PRKCQ: variants seen among roughly 807,000 people sequenced by gnomAD.
The protein encoded by PRKCQ is protein kinase C theta type.
PRKCQ carries 41 observed loss-of-function variants against 91.2 expected under a neutral mutation model. The ratio of observed to expected loss-of-function variants is 0.45; its 90% CI spans 0.35 to 0.58. The LOEUF (loss-of-function observed/expected upper bound fraction) is 0.58. PRKCQ is among the 20% of genes least tolerant of loss of function. PRKCQ has a pLI of 0.00. For synonymous variants in PRKCQ, 307 were observed against 316.9 expected, an observed-to-expected ratio of 0.97 and a Z score of 0.33; for missense variants, 673 against 896.5, an observed-to-expected ratio of 0.75 and a Z score of 3.18.
In PRKCQ at chr10:6,428,237, C is replaced by T. The variant is rs746598943; in HGVS notation, c.2091G>A (p.Met697Ile). 6.2e-7 allele frequency: 1 copy of T among 1,614,162 alleles called. No homozygotes were observed. The highest frequency in any genetic ancestry group is 2.2e-5 in the East Asian group (1 of 44,888). ...ATATCAGCCGCTCCATCCCGGGGTT[C>T]ATGAAGGAAAAGTTCCTGAACATAT... The part of the protein sequence containing the change: ...DQNMFRNFSF[M>I]NPGMERLIS Residue 697 changes from methionine (M) to isoleucine (I), a missense_variant, in exon 18 of 18, where the codon ATG becomes ATA. Physicochemically the swap from Met to Ile is conservative, Grantham distance 10. Transcript: ENST00000263125.
chr10:6,532,515 C>T (rs1415461363), intron 1 of PRKCQ, among the ~76,000 whole-genome samples: 1 of 151,802 alleles, frequency 6.6e-6, no homozygotes, highest in East Asian at 1.9e-4. Flanking sequence ...ACAGTCATCC[C>T]ACCCCGAATG....
intron 4 of PRKCQ, among the ~76,000 whole-genome samples, chr10:6,504,933 T>G (rs189499693): frequency 0.048 from 7,229 of 151,434 alleles, 218 homozygotes; most frequent in African/African-American, 0.083. Context: ...TCACTCTGTC[T>G]CCCAGGCTGG....
intron 15 of PRKCQ, among the ~76,000 whole-genome samples, chr10:6,455,983 T>C (rs1202733742): frequency 6.6e-6 from 1 of 152,068 alleles, no homozygotes; most frequent in African/African-American, 2.4e-5. Context: ...TGCTGTGCCA[T>C]GGGAAAGACC....
chr10:6,504,167 G>A (rs1317747943), intron 4 of PRKCQ, among the ~76,000 whole-genome samples: 1 of 152,186 alleles, frequency 6.6e-6, no homozygotes, highest in Non-Finnish European at 1.5e-5. Context: ...AAATCTCTCT[G>A]CAACAGTATT....
intron 4 of PRKCQ, among the ~76,000 whole-genome samples, chr10:6,505,425 CT>C (rs75640258): frequency 0.23 from 34,641 of 151,176 alleles, 4,954 homozygotes; most frequent in African/African-American, 0.4. Context: ...TCTTTCCTTC[CT>C]TCCTTTCTTC....
chr10:6,532,781 C>T (rs1839438072), intron 1 of PRKCQ, among the ~76,000 whole-genome samples: 1 of 152,144 alleles, frequency 6.6e-6, no homozygotes, highest in Non-Finnish European at 1.5e-5. Flanking sequence ...TTACAAATAG[C>T]TTTTCAAAGA....
Position 6,548,575 on chromosome 10 carries a change from C to G in PRKCQ, c.-10+31636G>C, listed in dbSNP as rs1189027222. ...GCCATAAAAAATGATGAGTTCATGT[C>G]CTTTGTAGGGACATGGATGAAATTG... On this transcript the variant is annotated intron_variant, in intron 1 of 17. Transcript: ENST00000263125. Among the ~76,000 whole-genome samples, 28 of 147,538 alleles carry G rather than the reference C, an allele frequency of 1.9e-4. 1 individual carries two copies. In the South Asian group the frequency reaches 6.0e-3, roughly 32 times the overall value.
rs189270171 is a variant in PRKCQ, at chr10:6,496,760, C to T, written c.660+275G>A. Among the ~76,000 whole-genome samples, 295 of 152,026 alleles carry T rather than the reference C, an allele frequency of 1.9e-3. 2 individuals are homozygous for T. Among genetic ancestry groups the T allele is most frequent in the Non-Finnish European group, 2.6e-3 (176 of 67,984 alleles). On this transcript the variant is annotated intron_variant, in intron 7 of 17. Transcript: ENST00000263125. ...CATGGTCCTGGTTCACTGCAACCTC[C>T]GCCTCCCGAATTCAAGAGATTCTCC...
At position 6,456,670 on chromosome 10, in the gene PRKCQ, C is replaced by T; in HGVS notation, c.1647+4G>A. On this transcript the variant is annotated splice_donor_region_variant and intron_variant, in intron 15 of 17. Transcript: ENST00000263125. ...GTGGGAGCAGCCTGTCACTGCATTC[C>T]TACCTCTGGGGCGATGTAGTCAGGT... is the stretch of plus-strand genomic sequence containing the variant. 6.2e-7 allele frequency: 1 copy of T among 1,613,952 alleles called. No individual in the cohort carries two copies. Among genetic ancestry groups the T allele is most frequent in the Non-Finnish European group, 8.5e-7 (1 of 1,179,892 alleles).
At chr10:6,395,975 A>T in the PRKCQ span, among the ~76,000 whole-genome samples, 1 of 152,170 alleles carries the variant, frequency 6.6e-6, no homozygotes, top group Non-Finnish European at 1.5e-5. Context: ...AGTAAGATGC[A>T]GGAAGACTTA....
intron 1 of PRKCQ, among the ~76,000 whole-genome samples, chr10:6,560,605 T>C (rs1050729818): frequency 6.6e-6 from 1 of 152,234 alleles, no homozygotes; most frequent in Non-Finnish European, 1.5e-5. Context: ...CGTATTCATT[T>C]TCAGGCCTAA....
chr10:6,578,661 G>A (rs1280565445), intron 1 of PRKCQ, among the ~76,000 whole-genome samples: 2 of 152,214 alleles, frequency 1.3e-5, no homozygotes, highest in Non-Finnish European at 2.9e-5. Flanking sequence ...ACTAACAAGA[G>A]CCTTCTGCGG....
chr10:6,578,610 C>T (rs2130991717), intron 1 of PRKCQ, among the ~76,000 whole-genome samples: 1 of 152,284 alleles, frequency 6.6e-6, no homozygotes, highest in South Asian at 2.1e-4. Flanking sequence ...CCCTACGCCA[C>T]GTCTTTAAAT....
At chr10:6,548,047 A>G (rs1443321126) in intron 1 of PRKCQ, among the ~76,000 whole-genome samples, 1 of 152,128 alleles carries the variant, frequency 6.6e-6, no homozygotes, top group Non-Finnish European at 1.5e-5. Context: ...AAAAAAACAA[A>G]CAACCCCATC....
At chr10:6,401,731 G>T in the PRKCQ span, among the ~76,000 whole-genome samples, 1 of 152,118 alleles carries the variant, frequency 6.6e-6, no homozygotes, top group Non-Finnish European at 1.5e-5. Flanking sequence ...TTGACCCGCC[G>T]TCTCTTTCTC....
the PRKCQ span, among the ~76,000 whole-genome samples, chr10:6,404,931 T>C: frequency 1.8e-3 from 222 of 126,136 alleles, no homozygotes; most frequent in African/African-American, 6.1e-3. Context: ...CTTCCTCCCT[T>C]CCCTTCCCTT....
chr10:6,530,517 G>A (rs530772487), intron 1 of PRKCQ, among the ~76,000 whole-genome samples: 51 of 152,324 alleles, frequency 3.3e-4, no homozygotes, highest in African/African-American at 9.6e-4. Context: ...GGCTCTGCCC[G>A]GCAACGGGGG....
intron 15 of PRKCQ, among the ~76,000 whole-genome samples, chr10:6,454,868 C>T (rs929486013): frequency 7.2e-5 from 11 of 151,862 alleles, no homozygotes; most frequent in East Asian, 3.9e-4. Flanking sequence ...GACAAGCACA[C>T]GTAAAAGAAA....
chr10:6,405,095 C>T, the PRKCQ span, among the ~76,000 whole-genome samples: 1 of 152,008 alleles, frequency 6.6e-6, no homozygotes, highest in African/African-American at 2.4e-5. Flanking sequence ...GATCTTCCAA[C>T]CTCAGCCTCC....
Sources: gnomAD v4.1 joint callset for allele counts (sites outside exome capture counted in the v4.1 genomes callset) on GRCh38, gnomAD v4.1.1 for gene constraint, MANE v1.5 for transcripts, NCBI Gene and HGNC (gene_info 2026-07-23, HGNC 2026-07-21) for gene names.